Variants in HNMT observed in about 807,000 individuals in gnomAD.
HNMT encodes histamine N-methyltransferase.
Under a neutral mutation model 32.1 loss-of-function variants are expected in HNMT, and 30 were observed. The observed-to-expected ratio is 0.93, with a 90% CI of 0.70 to 1.27. HNMT has a LOEUF of 1.27. Among genes scored for constraint, HNMT ranks in the 50% most tolerant of loss-of-function variants. HNMT has a pLI of 0.00. For synonymous variants in HNMT, 125 were observed against 119.0 expected, an observed-to-expected ratio of 1.05 and a Z score of -0.33; for missense variants, 327 against 346.0, an observed-to-expected ratio of 0.95 and a Z score of 0.43.
chr2:138,000,906 T>C lies in HNMT; in HGVS notation c.191-12T>C. On this transcript the variant is annotated splice_polypyrimidine_tract_variant and intron_variant, in intron 2 of 5. Transcript: ENST00000280097. ...GGAATGATGTGACCTGTCCCATATG[T>C]TTATCTTCTAGGTGAAATTGATCTT... is the stretch of plus-strand genomic sequence containing the variant. The C allele has an allele frequency of 6.7e-7, 1 of 1,500,974 alleles. No homozygotes were observed. Among genetic ancestry groups the C allele is most frequent in the Non-Finnish European group, 9.2e-7 (1 of 1,084,090 alleles). 93.0% of individuals were successfully genotyped at this position (1,500,974 alleles called of 1,614,324 possible).
intron 4 of HNMT, chr2:138,002,800 C>A: frequency 2.1e-6 from 2 of 969,212 alleles, no homozygotes; most frequent in Non-Finnish European, 2.5e-6. Context: ...AGAATGATAG[C>A]ATCATAACAT....
In HNMT at chr2:137,970,145, A is replaced by G. The variant is rs765656527; in HGVS notation, c.138-20A>G. 1 of 1,440,858 alleles carries G rather than the reference A, an allele frequency of 6.9e-7. No homozygotes were observed. Among genetic ancestry groups the G allele is most frequent in the South Asian group, 1.2e-5 (1 of 82,898 alleles). The allele number at this position is 1,440,858 out of a possible 1,614,324, so 89.3% of individuals were successfully genotyped here. Reference sequence around the variant, plus strand: ...GCACCTAACACATTTTTCTAAAACTACATAATTTTTTTCTTTCAGGATTGG... The same window carrying G: ...GCACCTAACACATTTTTCTAAAACTGCATAATTTTTTTCTTTCAGGATTGG... On this transcript the variant is annotated intron_variant, in intron 1 of 5. Coordinates refer to ENST00000280097, the MANE Select transcript of HNMT (RefSeq NM_006895.3).
At chr2:138,004,749 G>C (rs1681280870) in intron 4 of HNMT, among the ~76,000 whole-genome samples, 1 of 152,040 alleles carries the variant, frequency 6.6e-6, no homozygotes, top group Admixed American at 6.6e-5. Context: ...AATGGGGTCT[G>C]TTTTTATGGT....
At chr2:137,982,159 C>T (rs1680522717) in intron 2 of HNMT, among the ~76,000 whole-genome samples, 1 of 152,144 alleles carries the variant, frequency 6.6e-6, no homozygotes, top group African/African-American at 2.4e-5. Flanking sequence ...TTAATTTTTT[C>T]TTTTCACGAT....
At chr2:137,965,269 A>G (rs1034365917) in intron 1 of HNMT, among the ~76,000 whole-genome samples, 1 of 152,044 alleles carries the variant, frequency 6.6e-6, no homozygotes, top group Non-Finnish European at 1.5e-5. Context: ...AATGTGTTCA[A>G]TTTGTGCCAG....
intron 2 of HNMT, among the ~76,000 whole-genome samples, chr2:137,983,002 TAGAC>T (rs1464624768): frequency 1.4e-4 from 22 of 152,196 alleles, no homozygotes; most frequent in African/African-American, 5.3e-4. Flanking sequence ...CATCAAGTAA[TAGAC>T]GGTGGAGCCG....
At chr2:137,969,109 TA>T (rs1466995760) in intron 1 of HNMT, among the ~76,000 whole-genome samples, 4 of 152,214 alleles carry the variant, frequency 2.6e-5, no homozygotes. Context: ...CTTTTTTAAG[TA>T]GTACACTCTG....
chr2:137,978,471 A>G (rs1314206980), intron 2 of HNMT, among the ~76,000 whole-genome samples: 2 of 143,584 alleles, frequency 1.4e-5, no homozygotes, highest in African/African-American at 5.0e-5. Flanking sequence ...TATACAATAC[A>G]TATGATTAGA....
At chr2:137,979,867 A>C (rs925102991) in intron 2 of HNMT, among the ~76,000 whole-genome samples, 4 of 152,040 alleles carry the variant, frequency 2.6e-5, no homozygotes, top group Admixed American at 1.3e-4. Flanking sequence ...TTAGCCAGAG[A>C]GAGAAAAAAA....
Position 137,970,211 on chromosome 2 carries a change from G to C in HNMT, c.184G>C (p.Gly62Arg). ...SEIKILSIGG[G>R]AGEIDLQILS... ...AATTAAGATTCTAAGCATAGGCGGA[G>C]GTGCAGGTATGAGTAATATATTTTT... The change falls in exon 2 of 6, where the codon GGT (glycine) becomes CGT (arginine). Residue 62 changes from glycine to arginine, a missense_variant. By Grantham distance (125) the Gly-to-Arg change is moderately radical (BLOSUM62 -2). Coordinates refer to ENST00000280097, the MANE Select transcript of HNMT (RefSeq NM_006895.3). 2 of 1,556,112 alleles carry C rather than the reference G, an allele frequency of 1.3e-6. No homozygotes were observed. Among genetic ancestry groups the C allele is most frequent in the Non-Finnish European group, 1.8e-6 (2 of 1,133,990 alleles).
At chr2:137,965,596 A>G (rs1383807569) in intron 1 of HNMT, among the ~76,000 whole-genome samples, 1 of 152,140 alleles carries the variant, frequency 6.6e-6, no homozygotes, top group African/African-American at 2.4e-5. Context: ...TTAGCTTTCA[A>G]AAAATAGGAT....
chr2:138,002,572 T>C (rs1681206363), intron 4 of HNMT: 1 of 209,626 alleles, frequency 4.8e-6, no homozygotes. Context: ...TGCAGCTTCC[T>C]GGTTAGTTGA....
chr2:138,008,277 A>G lies in HNMT; in HGVS notation c.523+3052A>G, dbSNP rs893615506. Among the ~76,000 whole-genome samples the G allele has an allele frequency of 2.0e-5, 3 of 151,964 alleles. No homozygotes were observed. The South Asian group carries it at 6.2e-4, about 32-fold the overall frequency. On this transcript the variant is annotated intron_variant, in intron 5 of 5. Coordinates refer to ENST00000280097, the MANE Select transcript of HNMT (RefSeq NM_006895.3). ...GTTTCTGCATTAGTTTTTTAGGCCA[A>G]TAGCTTCTGGCTCCATCCATGTCCC... is the stretch of plus-strand genomic sequence containing the variant.
intron 2 of HNMT, among the ~76,000 whole-genome samples, chr2:137,987,574 G>A (rs1349992): frequency 0.35 from 51,366 of 145,444 alleles, 9,850 homozygotes; most frequent in East Asian, 0.61. Context: ...CTGCTCTGAA[G>A]GATTCAGTTA....
chr2:138,001,523 G>A (rs1360145435), intron 3 of HNMT, among the ~76,000 whole-genome samples: 2 of 152,088 alleles, frequency 1.3e-5, no homozygotes, highest in Admixed American at 1.3e-4. Flanking sequence ...AACTTTATTT[G>A]TAAACACTAA....
intron 2 of HNMT, among the ~76,000 whole-genome samples, chr2:137,983,521 A>G (rs746249845): frequency 2.4e-4 from 36 of 152,278 alleles, no homozygotes; most frequent in South Asian, 6.2e-4. Flanking sequence ...ATGGGTCCCT[A>G]TAACAAAAGA....
In HNMT at chr2:137,984,702, T is replaced by C. The variant is rs529677156; in HGVS notation, c.190+14485T>C. 5.3e-5 allele frequency among the ~76,000 whole-genome samples: 8 copies of C among 152,346 alleles called. No individual in the cohort carries two copies. In the South Asian group the frequency reaches 1.7e-3, roughly 32 times the overall value. Reference sequence around the variant, plus strand: ...GAATTAAGTTTTTGAGGTAATTAACTATATTAATCAGTTGTCCTGATTTTA... The same window carrying C: ...GAATTAAGTTTTTGAGGTAATTAACCATATTAATCAGTTGTCCTGATTTTA... On this transcript the variant is annotated intron_variant, in intron 2 of 5. Coordinates refer to ENST00000280097, the MANE Select transcript of HNMT (RefSeq NM_006895.3).
chr2:137,999,972 A>G lies in HNMT; in HGVS notation c.191-946A>G, dbSNP rs1360272275. On this transcript the variant is annotated intron_variant, in intron 2 of 5. Coordinates refer to ENST00000280097, the MANE Select transcript of HNMT (RefSeq NM_006895.3). ...AAGCAAATTGCCCAAAGTCGTATAC[A>G]CCGAGTAAGTGAAGAAGACAGGTTT... is the stretch of plus-strand genomic sequence containing the variant. 2.0e-5 allele frequency among the ~76,000 whole-genome samples: 3 copies of G among 151,850 alleles called. No homozygotes were observed. In the East Asian group the frequency reaches 5.8e-4, roughly 29 times the overall value.
Position 138,013,894 on chromosome 2 carries a change from T to C in HNMT, c.643T>C (p.Tyr215His), listed in dbSNP as rs1281423343. 6.2e-7 allele frequency: 1 copy of C among 1,613,756 alleles called. No individual in the cohort carries two copies. The highest frequency in any genetic ancestry group is 2.2e-5 in the East Asian group (1 of 44,872). The change falls in exon 6 of 6, where the codon TAT becomes CAT. Residue 215 changes from tyrosine to histidine, a missense_variant. Tyr to His is a moderately conservative substitution (Grantham distance 83, BLOSUM62 2). Coordinates refer to ENST00000280097, the MANE Select transcript of HNMT (RefSeq NM_006895.3). Reference sequence around the variant, plus strand: ...GATGCTGGACAACCTAGGGCTTAAGTATGAGTGCTATGACCTTTTGTCCAC... The same window carrying C: ...GATGCTGGACAACCTAGGGCTTAAGCATGAGTGCTATGACCTTTTGTCCAC... ...TQMLDNLGLK[Y>H]ECYDLLSTMD...
Sources: allele counts gnomAD v4.1 joint callset (sites outside exome capture counted in the v4.1 genomes callset), GRCh38; gene constraint gnomAD v4.1.1; transcripts MANE v1.5; gene names NCBI Gene and HGNC (gene_info 2026-07-23, HGNC 2026-07-21).